CNTN6: variants seen among roughly 807,000 people sequenced by gnomAD.
CNTN6 encodes contactin-6.
A neutral mutation model predicts 122.8 loss-of-function variants in CNTN6; 137 were observed. That is an observed-to-expected ratio of 1.12 (90% CI 0.97 to 1.29). The LOEUF is 1.29. Ranked by LOEUF, CNTN6 falls within the 50% of genes most tolerant of loss-of-function variation. CNTN6 has a pLI of 0.00. For missense variants in CNTN6, 1,634 were observed against 1,223.4 expected, an observed-to-expected ratio of 1.34 and a Z score of -5.01; for synonymous variants, 570 against 426.0, an observed-to-expected ratio of 1.34 and a Z score of -4.16.
At chr3:1,134,144 A>G (rs73818433) in intron 1 of CNTN6, among the ~76,000 whole-genome samples, 75 of 152,292 alleles carry the variant, frequency 4.9e-4, no homozygotes, top group African/African-American at 7.7e-4. Context: ...TATAACGTCT[A>G]TGTGCTTTTG....
intron 5 of CNTN6, among the ~76,000 whole-genome samples, chr3:1,279,476 A>T (rs1692991427): frequency 6.6e-6 from 1 of 152,202 alleles, no homozygotes; most frequent in South Asian, 2.1e-4. Context: ...ACAAAAACTT[A>T]TAAGAGATAT....
intron 2 of CNTN6, among the ~76,000 whole-genome samples, chr3:1,220,319 G>A (rs2094190531): frequency 6.6e-6 from 1 of 152,114 alleles, no homozygotes; most frequent in African/African-American, 2.4e-5. Context: ...TTGGGTGACA[G>A]AGTGAGACAC....
chr3:1,147,005 A>G (rs991050076), intron 1 of CNTN6, among the ~76,000 whole-genome samples: 11 of 152,102 alleles, frequency 7.2e-5, no homozygotes, highest in African/African-American at 1.7e-4. Context: ...AGTATAATCA[A>G]TGTTTTTGGT....
intron 11 of CNTN6, among the ~76,000 whole-genome samples, chr3:1,333,699 G>C (rs1052570461): frequency 6.6e-6 from 1 of 152,032 alleles, no homozygotes; most frequent in African/African-American, 2.4e-5. Context: ...GGGCTCTAAA[G>C]AAACCTATTC....
intron 5 of CNTN6, among the ~76,000 whole-genome samples, chr3:1,292,127 A>G (rs1030878232): frequency 8.5e-5 from 13 of 152,134 alleles, no homozygotes; most frequent in African/African-American, 3.1e-4. Flanking sequence ...ATCCACTGCT[A>G]TCCTTCTCAA....
intron 1 of CNTN6, among the ~76,000 whole-genome samples, chr3:1,100,264 A>G (rs1461234733): frequency 6.6e-6 from 1 of 152,204 alleles, no homozygotes; most frequent in Non-Finnish European, 1.5e-5. Context: ...CTAAAATAAT[A>G]CTGTAGTTCA....
intron 2 of CNTN6, among the ~76,000 whole-genome samples, chr3:1,200,755 C>T (rs916040400): frequency 6.6e-6 from 1 of 152,092 alleles, no homozygotes; most frequent in African/African-American, 2.4e-5. Context: ...TTTAAGGAGG[C>T]TCAAAATAAC....
intron 1 of CNTN6, among the ~76,000 whole-genome samples, chr3:1,096,373 T>C (rs540247589): frequency 6.6e-6 from 1 of 152,290 alleles, no homozygotes; most frequent in African/African-American, 2.4e-5. Flanking sequence ...TCTTTTATTT[T>C]AGGATTTGTT....
chr3:1,210,357 TAAG>T (rs1314102992), intron 2 of CNTN6, among the ~76,000 whole-genome samples: 2 of 146,280 alleles, frequency 1.4e-5, no homozygotes, highest in Admixed American at 1.4e-4. Context: ...ATACGTGTGG[TAAG>T]GGGAGGGAGA....
At chr3:1,308,190 T>C (rs1391515911) in intron 7 of CNTN6, among the ~76,000 whole-genome samples, 1 of 152,176 alleles carries the variant, frequency 6.6e-6, no homozygotes, top group East Asian at 1.9e-4. Flanking sequence ...CTACTTTGTT[T>C]ATTTTGCTGC....
intron 2 of CNTN6, among the ~76,000 whole-genome samples, chr3:1,211,700 GT>G (rs2094040740): frequency 6.6e-6 from 1 of 151,566 alleles, no homozygotes; most frequent in South Asian, 2.1e-4. Flanking sequence ...GTGTAGACTG[GT>G]GTTCTCTACC....
chr3:1,382,509 A>G (rs1692054167), intron 17 of CNTN6, among the ~76,000 whole-genome samples: 1 of 152,216 alleles, frequency 6.6e-6, no homozygotes. Flanking sequence ...CAGTAATTCC[A>G]TTACACATGT....
intron 12 of CNTN6, among the ~76,000 whole-genome samples, chr3:1,362,629 G>A (rs1193704004): frequency 2.0e-5 from 3 of 151,804 alleles, no homozygotes; most frequent in Non-Finnish European, 4.4e-5. Context: ...GAATAAAATG[G>A]GAAAGACAGA....
chr3:1,197,640 G>A (rs1044157580), intron 2 of CNTN6, among the ~76,000 whole-genome samples: 1 of 152,158 alleles, frequency 6.6e-6, no homozygotes, highest in African/African-American at 2.4e-5. Context: ...CACTTATGTG[G>A]AGAGGAAGCC....
At chr3:1,151,663 AG>A (rs2092845514) in intron 2 of CNTN6, among the ~76,000 whole-genome samples, 1 of 152,228 alleles carries the variant, frequency 6.6e-6, no homozygotes, top group Non-Finnish European at 1.5e-5. Flanking sequence ...CTTCAACAAT[AG>A]GTCCATAGTC....
chr3:1,202,643 ATT>A (rs1273275142), intron 2 of CNTN6, among the ~76,000 whole-genome samples: 2 of 152,142 alleles, frequency 1.3e-5, no homozygotes, highest in Non-Finnish European at 2.9e-5. Context: ...CAGGGAAACT[ATT>A]TGTCTTCAAA....
chr3:1,140,194 C>T (rs9843218), intron 1 of CNTN6, among the ~76,000 whole-genome samples: 5,157 of 152,238 alleles, frequency 0.034, 267 homozygotes, highest in African/African-American at 0.12. Context: ...AAAGCTATAG[C>T]AGCGTCACTC....
chr3:1,247,272 T>C (rs2094595618), intron 4 of CNTN6, among the ~76,000 whole-genome samples: 3 of 152,334 alleles, frequency 2.0e-5, no homozygotes, highest in Middle Eastern at 3.4e-3. Context: ...TGCAGTCCTT[T>C]CTTTGCTGTT....
At chr3:1,209,940 G>T (rs902725325) in intron 2 of CNTN6, among the ~76,000 whole-genome samples, 6 of 152,040 alleles carry the variant, frequency 3.9e-5, no homozygotes, top group Non-Finnish European at 5.9e-5. Flanking sequence ...TTCAATTCTT[G>T]CTCCCACCAC....
Sources: gnomAD v4.1 joint callset for allele counts (sites outside exome capture counted in the v4.1 genomes callset) on GRCh38, gnomAD v4.1.1 for gene constraint, MANE v1.5 for transcripts, NCBI Gene and HGNC (gene_info 2026-07-23, HGNC 2026-07-21) for gene names.